The following RAPGEF1 variants were observed in gnomAD, a reference collection of about 807,000 sequenced individuals.
RAPGEF1 encodes the protein CRK SH3-binding GNRP.
RAPGEF1 carries 33 observed loss-of-function variants against 143.3 expected under a neutral mutation model. The ratio of observed to expected loss-of-function variants is 0.23; its 90% CI spans 0.17 to 0.31. RAPGEF1 has a LOEUF of 0.31. RAPGEF1 is among the 10% of genes least tolerant of loss of function. The pLI is 1.00. For synonymous variants in RAPGEF1, 629 were observed against 676.5 expected, an observed-to-expected ratio of 0.93 and a Z score of 1.09; for missense variants, 1,199 against 1,645.4, an observed-to-expected ratio of 0.73 and a Z score of 4.69.
Position 131,739,989 on chromosome 9 carries a change from C to A in RAPGEF1, c.-159G>T. The A allele has an allele frequency of 4.9e-6, 1 of 203,358 alleles. No individual in the cohort carries two copies. Among genetic ancestry groups the A allele is most frequent in the Non-Finnish European group, 8.4e-6 (1 of 118,466 alleles). 12.6% of individuals were successfully genotyped at this position (203,358 alleles called of 1,614,324 possible). On this transcript the variant is annotated 5_prime_UTR_variant, in exon 1 of 27. Coordinates refer to ENST00000683357, the MANE Select transcript of RAPGEF1 (RefSeq NM_001377935.1). ...GCGCTCCAGCCCGCCCGGGCCCAGC[C>A]GCTCCCGCCGCGCCCGCCGCCGCCG...
chr9:131,602,215 G>C (rs1956389398), intron 14 of RAPGEF1, 66 bp from the exon 15 acceptor site: 8 of 1,240,614 alleles, frequency 6.4e-6, no homozygotes, highest in Non-Finnish European at 9.1e-6. Flanking sequence ...TGTCTTCCCA[G>C]CATTCCTGCC....
intron 1 of RAPGEF1, among the ~76,000 whole-genome samples, chr9:131,681,960 G>A (rs1490553033): frequency 6.6e-6 from 1 of 152,176 alleles, no homozygotes; most frequent in Non-Finnish European, 1.5e-5. Context: ...TTTCGACAAT[G>A]CTAATCCCGA....
intron 1 of RAPGEF1, among the ~76,000 whole-genome samples, chr9:131,707,337 A>G (rs762414824): frequency 6.6e-6 from 1 of 152,250 alleles, no homozygotes; most frequent in Non-Finnish European, 1.5e-5. Flanking sequence ...CAAACCTCAT[A>G]TATCGATGAC....
intron 3 of RAPGEF1, among the ~76,000 whole-genome samples, chr9:131,647,109 C>A (rs1298383101): frequency 6.6e-6 from 1 of 152,242 alleles, no homozygotes; most frequent in African/African-American, 2.4e-5. Context: ...TCCTCTACAA[C>A]TTCAACACTC....
rs1407134439 is a variant in RAPGEF1 at position 131,604,930 on chromosome 9, C to A, written c.2319+1G>T. 7.7e-7 allele frequency: 1 copy of A among 1,301,086 alleles called. No individual in the cohort carries two copies. The highest frequency in any genetic ancestry group is 2.3e-5 in the Admixed American group (1 of 43,492). 80.6% of individuals were successfully genotyped at this position (1,301,086 alleles called of 1,614,324 possible). ...TGTGTGTGTGCACGCTGAGTTCTCA[C>A]CGAGTCAGTGAAAGAGGTTTCGGAA... On this transcript the variant is annotated splice_donor_variant, in intron 13 of 26. Transcript: ENST00000683357. LOFTEE classifies it high-confidence loss of function.
intron 10 of RAPGEF1, among the ~76,000 whole-genome samples, chr9:131,622,222 G>T (rs1319526783): frequency 1.3e-5 from 2 of 152,158 alleles, no homozygotes; most frequent in Non-Finnish European, 2.9e-5. Flanking sequence ...ACACCAATGG[G>T]GAACCCTAAT....
chr9:131,596,441 A>C (rs2132363231), intron 16 of RAPGEF1, 68 bp from the exon 17 acceptor site: 1 of 1,498,328 alleles, frequency 6.7e-7, no homozygotes, highest in East Asian at 2.3e-5. Context: ...TTTAGGAAGA[A>C]ACAGGCAGGA....
At chr9:131,710,757 G>A (rs902435512) in intron 1 of RAPGEF1, among the ~76,000 whole-genome samples, 1 of 152,076 alleles carries the variant, frequency 6.6e-6, no homozygotes. Context: ...GGCGTGGTGG[G>A]ACGAAGCTGT....
intron 1 of RAPGEF1, among the ~76,000 whole-genome samples, chr9:131,685,401 C>A (rs1158049880): frequency 6.6e-6 from 1 of 152,214 alleles, no homozygotes; most frequent in Non-Finnish European, 1.5e-5. Flanking sequence ...GGCCATAATG[C>A]CCACGCTGGA....
At chr9:131,615,902 T>G (rs1958923802) in intron 12 of RAPGEF1, among the ~76,000 whole-genome samples, 1 of 152,128 alleles carries the variant, frequency 6.6e-6, no homozygotes, top group Non-Finnish European at 1.5e-5. Flanking sequence ...TCCTCACACG[T>G]GCTTTCATGT....
chr9:131,651,988 C>G (rs771814286), intron 1 of RAPGEF1, among the ~76,000 whole-genome samples: 2 of 152,016 alleles, frequency 1.3e-5, no homozygotes, highest in African/African-American at 2.4e-5. Flanking sequence ...TAGAAAAGTA[C>G]GGTAAATGGT....
Position 131,577,806 on chromosome 9 carries a change from G to A in RAPGEF1, c.*1691C>T, listed in dbSNP as rs943866245. 3.3e-5 allele frequency: 5 copies of A among 152,072 alleles called. No individual in the cohort carries two copies. The highest frequency in any genetic ancestry group is 2.1e-4 in the South Asian group (1 of 4,828). 9.4% of individuals were successfully genotyped at this position (152,072 alleles called of 1,614,324 possible). On this transcript the variant is annotated 3_prime_UTR_variant, in exon 27 of 27. Coordinates refer to ENST00000683357, the MANE Select transcript of RAPGEF1 (RefSeq NM_001377935.1). The stretch of plus-strand genomic sequence containing the variant: ...GCCCCGCAAGACCACCGCAAGAGGG[G>A]GTCCCGCCACCAGAGGGGGTCCCGC...
At chr9:131,680,521 C>A (rs1325506002) in intron 1 of RAPGEF1, among the ~76,000 whole-genome samples, 4 of 152,354 alleles carry the variant, frequency 2.6e-5, no homozygotes, top group Non-Finnish European at 4.4e-5. Context: ...GCAAGGAACA[C>A]CTGGCCCACC....
At chr9:131,616,487 C>T (rs1371980758) in intron 12 of RAPGEF1, among the ~76,000 whole-genome samples, 1 of 152,140 alleles carries the variant, frequency 6.6e-6, no homozygotes, top group Non-Finnish European at 1.5e-5. Context: ...TAAACCCATC[C>T]CTGGTATCAG....
intron 1 of RAPGEF1, among the ~76,000 whole-genome samples, chr9:131,699,653 GC>G (rs1469990500): frequency 1.3e-5 from 2 of 152,216 alleles, no homozygotes; most frequent in South Asian, 4.1e-4. Context: ...TGTCACCGAA[GC>G]CCCCTCTCTG....
intron 1 of RAPGEF1, among the ~76,000 whole-genome samples, chr9:131,726,318 G>C (rs1369607527): frequency 6.6e-6 from 1 of 151,978 alleles, no homozygotes; most frequent in Non-Finnish European, 1.5e-5. Context: ...CAAATCTATA[G>C]GTATAGATAA....
chr9:131,599,130 T>G (rs1445603342), intron 15 of RAPGEF1, among the ~76,000 whole-genome samples: 2 of 135,092 alleles, frequency 1.5e-5, no homozygotes, highest in African/African-American at 5.2e-5. Context: ...GCCACTTATT[T>G]GTTTTTTTTT....
intron 1 of RAPGEF1, among the ~76,000 whole-genome samples, chr9:131,700,009 A>C (rs1189639879): frequency 6.6e-6 from 1 of 152,166 alleles, no homozygotes; most frequent in Non-Finnish European, 1.5e-5. Context: ...CTCACTCTGT[A>C]CCCACACAGC....
intron 1 of RAPGEF1, among the ~76,000 whole-genome samples, chr9:131,652,324 C>A: frequency 6.6e-6 from 1 of 152,100 alleles, no homozygotes; most frequent in East Asian, 1.9e-4. Context: ...GATCACAGCT[C>A]ACCACAGCCT....
Sources: allele counts gnomAD v4.1 joint callset (sites outside exome capture counted in the v4.1 genomes callset), GRCh38; gene constraint gnomAD v4.1.1; transcripts MANE v1.5; gene names NCBI Gene and HGNC (gene_info 2026-07-23, HGNC 2026-07-21).